DOCK8: variants seen among roughly 807,000 people sequenced by gnomAD.
DOCK8 encodes dedicator of cytokinesis 8, also known as dedicator of cytokinesis protein 8.
A neutral mutation model predicts 245.6 loss-of-function variants in DOCK8; 141 were observed. That is an observed-to-expected ratio of 0.57 (90% CI 0.50 to 0.66). The LOEUF is 0.66. Ranked by LOEUF, DOCK8 falls within the 30% of genes least tolerant of loss-of-function variation. DOCK8 has a pLI of 0.00. For synonymous variants in DOCK8, 1,168 were observed against 970.2 expected (o/e 1.20, Z -3.79); for missense variants, 2,965 against 2,603.4 (o/e 1.14, Z -3.02).
intron 1 of DOCK8, among the ~76,000 whole-genome samples, chr9:238,450 A>G (rs1035993079): frequency 6.6e-6 from 1 of 152,242 alleles, no homozygotes; most frequent in Non-Finnish European, 1.5e-5. Flanking sequence ...GAAAATAAAA[A>G]GTTAACATGG....
At chr9:256,015 T>A (rs1045358816) in intron 1 of DOCK8, among the ~76,000 whole-genome samples, 1 of 152,196 alleles carries the variant, frequency 6.6e-6, no homozygotes, top group Admixed American at 6.5e-5. Flanking sequence ...TAGTCTCATT[T>A]ATTAAGAAGT....
intron 28 of DOCK8, among the ~76,000 whole-genome samples, chr9:412,875 CTT>C (rs61309869): frequency 7.0e-5 from 10 of 142,094 alleles, no homozygotes; most frequent in Non-Finnish European, 7.7e-5. Context: ...TTCTAGCTTG[CTT>C]TTTTTTTTTT....
intron 29 of DOCK8, 56 bp downstream of exon 29, chr9:415,007 C>T: frequency 6.2e-7 from 1 of 1,600,396 alleles, no homozygotes; most frequent in Non-Finnish European, 8.5e-7. Context: ...CCAAATGCCC[C>T]ATCCGAATGA....
At chr9:456,778 C>T (rs905048222) in intron 46 of DOCK8, 4 of 152,016 alleles carry the variant, frequency 2.6e-5, no homozygotes, top group African/African-American at 9.7e-5. Flanking sequence ...CTATCTTCCT[C>T]TTCTGCTCCC....
intron 34 of DOCK8, among the ~76,000 whole-genome samples, chr9:427,582 G>C (rs2056548113): frequency 6.6e-6 from 1 of 152,124 alleles, no homozygotes; most frequent in Non-Finnish European, 1.5e-5. Context: ...AGGTAATAAT[G>C]AGTTTTTAAT....
At position 434,898 on chromosome 9, in the gene DOCK8, G is replaced by A. The variant is rs759524696; in HGVS notation, c.5002G>A (p.Ala1668Thr). 39 of 1,613,780 alleles carry A rather than the reference G, an allele frequency of 2.4e-5. No homozygotes were observed. The highest frequency in any genetic ancestry group is 6.7e-5 in the Admixed American group (4 of 59,998). ...YTEAAMCLVH[A>T]AALVAEYLSM... ...GGAGGCTGCCATGTGCCTGGTGCAC[G>A]CCGCTGCGTTAGTGGCTGAGTATCT... Residue 1668 changes from alanine to threonine, a missense_variant, in exon 39 of 48, where the codon GCC (alanine) becomes ACC (threonine). Around this residue, in one of 3 missense-constraint regions of DOCK8, gnomAD observed 2,825 missense variants for 2,453.5 expected, o/e 1.15. Transcript: ENST00000432829.
intron 1 of DOCK8, among the ~76,000 whole-genome samples, chr9:266,852 AG>A (rs1336429111): frequency 1.3e-5 from 2 of 152,292 alleles, no homozygotes; most frequent in East Asian, 3.9e-4. Flanking sequence ...TAGCTCATTA[AG>A]GAAATATTAT....
chr9:334,562 A>G (rs2051218258), intron 11 of DOCK8, among the ~76,000 whole-genome samples, 178 bp downstream of exon 11: 1 of 152,224 alleles, frequency 6.6e-6, no homozygotes, highest in African/African-American at 2.4e-5. Flanking sequence ...GGTGATCTCC[A>G]AAAGAAATTA....
At chr9:383,686 G>C (rs1016011904) in intron 22 of DOCK8, among the ~76,000 whole-genome samples, 1 of 118,878 alleles carries the variant, frequency 8.4e-6, no homozygotes, top group Non-Finnish European at 1.6e-5. Flanking sequence ...AGCTACAAGA[G>C]TGAGACTCCG....
chr9:406,917 T>C lies in DOCK8; in HGVS notation c.3391-13T>C. On this transcript the variant is annotated splice_polypyrimidine_tract_variant and intron_variant, in intron 27 of 47. Transcript: ENST00000432829. ...TCTTGTGGCTCATAAAATGGCTCCT[T>C]ACGTTTCTGTAGAACTCAAGCTCCT... 2 of 1,614,022 alleles carry C rather than the reference T, an allele frequency of 1.2e-6. No individual in the cohort carries two copies. Among genetic ancestry groups the C allele is most frequent in the Non-Finnish European group, 1.7e-6 (2 of 1,179,996 alleles).
intron 2 of DOCK8, among the ~76,000 whole-genome samples, chr9:280,478 C>T (rs1335404468): frequency 6.6e-6 from 1 of 152,112 alleles, no homozygotes; most frequent in Non-Finnish European, 1.5e-5. Flanking sequence ...TGTGGCTAAG[C>T]GAGCTTAAAA....
intron 28 of DOCK8, among the ~76,000 whole-genome samples, chr9:410,192 C>T (rs1449246356): frequency 6.6e-6 from 1 of 151,910 alleles, no homozygotes; most frequent in East Asian, 1.9e-4. Context: ...TTAATATTTC[C>T]TGTGAATATA....
intron 26 of DOCK8, among the ~76,000 whole-genome samples, chr9:402,980 C>T (rs1198861562): frequency 6.6e-6 from 1 of 152,212 alleles, no homozygotes; most frequent in Non-Finnish European, 1.5e-5. Context: ...AACTCCGCCT[C>T]ACAGGTTCAA....
intron 40 of DOCK8, among the ~76,000 whole-genome samples, chr9:440,732 T>C (rs1456423964): frequency 2.0e-5 from 3 of 152,070 alleles, no homozygotes; most frequent in South Asian, 4.1e-4. Context: ...TCTTTTCGTT[T>C]TGTTTTGTTT....
At position 442,595 on chromosome 9, in the gene DOCK8, G is replaced by GCACTCCATC. The variant is rs1254629901; in HGVS notation, c.5490+588_5490+589insCTCCATCCA. Among the ~76,000 whole-genome samples, 235 of 152,302 alleles carry GCACTCCATC rather than the reference G, an allele frequency of 1.5e-3. 1 individual carries two copies. Among genetic ancestry groups the GCACTCCATC allele is most frequent in the Middle Eastern group, 6.8e-3 (2 of 294 alleles). ...CATGTTGTTAGAAGCAAAGCTGAAA[G>GCACTCCATC]CATGGAGAAAAAGAGAAACAGCCTA... On this transcript the variant is annotated intron_variant, in intron 42 of 47. Coordinates refer to ENST00000432829, the MANE Select transcript of DOCK8 (RefSeq NM_203447.4).
At chr9:240,910 CTA>C (rs1360300093) in intron 1 of DOCK8, among the ~76,000 whole-genome samples, 32 of 151,862 alleles carry the variant, frequency 2.1e-4, no homozygotes, top group African/African-American at 7.8e-4. Context: ...CTGAGTGAGA[CTA>C]TGTGGAAATT....
intron 4 of DOCK8, among the ~76,000 whole-genome samples, chr9:303,520 C>G (rs933468193): frequency 6.6e-6 from 1 of 152,216 alleles, no homozygotes. Context: ...GGCCATTATC[C>G]TAAACAAATT....
chr9:327,919 C>G, intron 8 of DOCK8, 103 bp from the exon 9 acceptor site: 3 of 1,102,490 alleles, frequency 2.7e-6, no homozygotes, highest in Non-Finnish European at 4.1e-6. Context: ...TACACTTACT[C>G]CTTCAGCAAA....
intron 1 of DOCK8, among the ~76,000 whole-genome samples, chr9:245,174 G>T (rs751430608): frequency 2.0e-5 from 3 of 151,984 alleles, no homozygotes; most frequent in Non-Finnish European, 4.4e-5. Flanking sequence ...AGGTTATTTT[G>T]CCTTCCAAGA....
Sources: allele counts gnomAD v4.1 joint callset (sites outside exome capture counted in the v4.1 genomes callset), GRCh38; gene constraint gnomAD v4.1.1; regional missense constraint gnomAD v4.1.1; transcripts MANE v1.5; gene names NCBI Gene and HGNC (gene_info 2026-07-23, HGNC 2026-07-21).